LRRC69: variants seen among roughly 807,000 people sequenced by gnomAD.
LRRC69 encodes the protein leucine rich repeat containing 69.
A neutral mutation model predicts 37.8 loss-of-function variants in LRRC69; 42 were observed. The ratio of observed to expected loss-of-function variants is 1.11; its 90% CI spans 0.87 to 1.44. LRRC69 has a LOEUF of 1.44. Ranked by LOEUF, LRRC69 falls within the 40% of genes most tolerant of loss-of-function variation. LRRC69 has a pLI of 0.00. For missense variants in LRRC69, 357 were observed against 401.9 expected (o/e 0.89, Z 0.96); for synonymous variants, 141 against 143.1 (o/e 0.99, Z 0.11).
At chr8:91,107,788 T>C (rs1813343523) in intron 1 of LRRC69, among the ~76,000 whole-genome samples, 1 of 152,104 alleles carries the variant, frequency 6.6e-6, no homozygotes, top group Non-Finnish European at 1.5e-5. Context: ...AATGGGTTAA[T>C]GTCCTATAAT....
At chr8:91,112,063 G>A (rs1243188624) in intron 1 of LRRC69, among the ~76,000 whole-genome samples, 2 of 151,918 alleles carry the variant, frequency 1.3e-5, no homozygotes. Context: ...GGAGAACCAA[G>A]ATATTGTTAG....
At chr8:91,176,519 C>T (rs1809233020) in intron 5 of LRRC69, among the ~76,000 whole-genome samples, 1 of 152,090 alleles carries the variant, frequency 6.6e-6, no homozygotes, top group African/African-American at 2.4e-5. Context: ...CTCTCTCTTT[C>T]TCAACATATT....
At chr8:91,181,088 C>A (rs1173559651) in intron 5 of LRRC69, among the ~76,000 whole-genome samples, 1 of 152,012 alleles carries the variant, frequency 6.6e-6, no homozygotes, top group Non-Finnish European at 1.5e-5. Flanking sequence ...CTGAGTATAA[C>A]TGTTTGAGAC....
chr8:91,127,161 G>A lies in LRRC69; in HGVS notation c.383+1G>A. The A allele has an allele frequency of 6.5e-7, 1 of 1,547,676 alleles. No homozygotes were observed. The highest frequency in any genetic ancestry group is 8.7e-7 in the Non-Finnish European group (1 of 1,145,654). ...CGCAGCTTCCTCAAGAAGTCAGCAGGTAATTTTGTTTATAGCAAGACTTGG... is the reference window on the plus strand; with the variant it reads ...CGCAGCTTCCTCAAGAAGTCAGCAGATAATTTTGTTTATAGCAAGACTTGG... On this transcript the variant is annotated splice_donor_variant, in intron 3 of 7. Coordinates refer to ENST00000448384, the Ensembl canonical transcript of LRRC69. LOFTEE classifies it high-confidence loss of function.
chr8:91,177,182 C>A (rs1390356488), intron 5 of LRRC69, among the ~76,000 whole-genome samples: 1 of 152,046 alleles, frequency 6.6e-6, no homozygotes, highest in Non-Finnish European at 1.5e-5. Flanking sequence ...TTAAATGGAT[C>A]ATCTCAAAAT....
intron 5 of LRRC69, among the ~76,000 whole-genome samples, chr8:91,167,761 G>A (rs1586261006): frequency 6.6e-6 from 1 of 151,910 alleles, no homozygotes; most frequent in African/African-American, 2.4e-5. Context: ...TGGCTCTTCT[G>A]TGTTGGTGCC....
intron 5 of LRRC69, among the ~76,000 whole-genome samples, chr8:91,188,218 C>T (rs1809436022): frequency 6.6e-6 from 1 of 152,166 alleles, no homozygotes; most frequent in African/African-American, 2.4e-5. Context: ...TAAACATCTG[C>T]CTATGTTGTG....
chr8:91,200,707 T>C, exon 7 of LRRC69: 1 of 1,534,764 alleles, frequency 6.5e-7, no homozygotes, highest in Admixed American at 2.1e-5. Context: ...AGGAGCATGA[T>C]CTCTCAGGGA....
At chr8:91,197,620 A>T (rs1043020348) in intron 6 of LRRC69, among the ~76,000 whole-genome samples, 91 of 152,102 alleles carry the variant, frequency 6.0e-4, no homozygotes, top group African/African-American at 2.0e-3. Flanking sequence ...ATGCCGTCCG[A>T]CACCCCTTTC....
chr8:91,176,134 A>ATATTTTTTTTTT lies in LRRC69; in HGVS notation c.652-13387_652-13386insATTTTTTTTTTT. On this transcript the variant is annotated intron_variant, in intron 5 of 7. Coordinates refer to ENST00000448384, the Ensembl canonical transcript of LRRC69. The stretch of plus-strand genomic sequence containing the variant: ...ATCCCTCATATATATATATATATAT[A>ATATTTTTTTTTT]TTTTTTTTTTTTCTTTTTTTTGAGA... Among the ~76,000 whole-genome samples the ATATTTTTTTTTT allele has an allele frequency of 5.7e-3, 431 of 75,666 alleles. 5 individuals are homozygous for ATATTTTTTTTTT. Among genetic ancestry groups the ATATTTTTTTTTT allele is most frequent in the Non-Finnish European group, 8.0e-3 (335 of 41,632 alleles). The allele number at this position is 75,666 out of a possible 152,430, so 49.6% of individuals were successfully genotyped here. A position where few individuals can be genotyped will look rare whatever the true frequency, so the allele number is the denominator to read the frequency against.
At chr8:91,174,237 G>A (rs1809186803) in intron 5 of LRRC69, among the ~76,000 whole-genome samples, 2 of 152,066 alleles carry the variant, frequency 1.3e-5, no homozygotes, top group Non-Finnish European at 1.5e-5. Context: ...CCAGTGCTTT[G>A]TCTAGTCTAC....
intron 3 of LRRC69, among the ~76,000 whole-genome samples, chr8:91,128,020 A>G (rs538494110): frequency 4.6e-5 from 7 of 152,140 alleles, no homozygotes; most frequent in Middle Eastern, 3.4e-3. Context: ...AATCAATCTA[A>G]TTTCTATAAA....
At chr8:91,106,198 T>C (rs1367660190) in intron 1 of LRRC69, among the ~76,000 whole-genome samples, 4 of 152,220 alleles carry the variant, frequency 2.6e-5, no homozygotes, top group Admixed American at 6.5e-5. Flanking sequence ...CTCTTTCTTA[T>C]GTGGCTATAG....
chr8:91,138,583 G>A (rs1012155165), intron 5 of LRRC69, among the ~76,000 whole-genome samples: 5 of 147,070 alleles, frequency 3.4e-5, no homozygotes, highest in African/African-American at 1.3e-4. Flanking sequence ...CATGGCATTT[G>A]AACATTTGAA....
chr8:91,158,302 C>A, intron 5 of LRRC69: 1 of 1,493,610 alleles, frequency 6.7e-7, no homozygotes. Flanking sequence ...TATTCAATCC[C>A]AGAAAGAAAC....
chr8:91,110,704 TA>T (rs1437148610), intron 1 of LRRC69, among the ~76,000 whole-genome samples: 1 of 152,012 alleles, frequency 6.6e-6, no homozygotes, highest in East Asian at 1.9e-4. Flanking sequence ...TTAAAATATA[TA>T]ATAAGTAGCA....
intron 1 of LRRC69, among the ~76,000 whole-genome samples, chr8:91,110,430 A>G (rs564645347): frequency 2.0e-5 from 3 of 152,164 alleles, no homozygotes; most frequent in African/African-American, 7.2e-5. Flanking sequence ...ACCTGAGGTC[A>G]GAAGTTTGAG....
intron 5 of LRRC69, among the ~76,000 whole-genome samples, chr8:91,158,912 A>AT (rs879407574): frequency 1.5e-4 from 22 of 151,242 alleles, no homozygotes; most frequent in Non-Finnish European, 3.0e-4. Flanking sequence ...AAAACTATTA[A>AT]TTTTTTGCAA....
intron 6 of LRRC69, among the ~76,000 whole-genome samples, chr8:91,198,233 C>T (rs1809652531): frequency 6.6e-6 from 1 of 151,962 alleles, no homozygotes. Flanking sequence ...AATGGTTTAC[C>T]GTTTTTATGT....
Sources: allele counts gnomAD v4.1 joint callset (sites outside exome capture counted in the v4.1 genomes callset), GRCh38; gene constraint gnomAD v4.1.1; transcripts MANE v1.5; gene names NCBI Gene and HGNC (gene_info 2026-07-23, HGNC 2026-07-21).